The following SV2C variants were observed in gnomAD, a reference collection of about 807,000 sequenced individuals.
The protein encoded by SV2C is solute carrier family 22 member B3.
A neutral mutation model predicts 79.7 loss-of-function variants in SV2C; 49 were observed. The ratio of observed to expected loss-of-function variants is 0.61; its 90% CI spans 0.49 to 0.78. SV2C has a LOEUF of 0.78. Among genes scored for constraint, SV2C ranks in the 30% least tolerant of loss-of-function variants. The probability of loss-of-function intolerance (pLI) is 0.00; values close to 1 mark genes in which losing one functional copy is unlikely to be tolerated. For synonymous variants in SV2C, 334 were observed against 333.2 expected (o/e 1.00, Z -0.03); for missense variants, 833 against 912.9 (o/e 0.91, Z 1.13).
chr5:75,874,118 G>A, the SV2C span, among the ~76,000 whole-genome samples: 1 of 151,822 alleles, frequency 6.6e-6, no homozygotes, highest in African/African-American at 2.4e-5. Context: ...AAAACTTCAG[G>A]TCAATATCCT....
the SV2C span, among the ~76,000 whole-genome samples, chr5:76,030,155 C>G: frequency 6.7e-6 from 1 of 149,604 alleles, no homozygotes; most frequent in Admixed American, 6.7e-5. Flanking sequence ...GGCTTTATTT[C>G]TTAATATATG....
At chr5:75,876,806 G>C in the SV2C span, among the ~76,000 whole-genome samples, 1 of 151,756 alleles carries the variant, frequency 6.6e-6, no homozygotes, top group East Asian at 1.9e-4. Context: ...ACCTAAAAGT[G>C]GTTAATATTA....
At chr5:75,981,332 A>G in the SV2C span, among the ~76,000 whole-genome samples, 1 of 152,180 alleles carries the variant, frequency 6.6e-6, no homozygotes, top group Non-Finnish European at 1.5e-5. Context: ...CCATTAAACT[A>G]CCATTGCCAT....
At chr5:76,169,609 A>G (rs953453805) in intron 2 of SV2C, among the ~76,000 whole-genome samples, 1 of 152,222 alleles carries the variant, frequency 6.6e-6, no homozygotes, top group African/African-American at 2.4e-5. Flanking sequence ...AATTAACAAA[A>G]GCTTGGGTAA....
intron 12 of SV2C, among the ~76,000 whole-genome samples, chr5:76,348,422 T>C (rs1313578356): frequency 6.6e-6 from 1 of 152,252 alleles, no homozygotes; most frequent in Non-Finnish European, 1.5e-5. Context: ...AGTTTTTGTA[T>C]GGACATAAAA....
the SV2C span, among the ~76,000 whole-genome samples, chr5:75,994,199 T>C: frequency 3.3e-5 from 5 of 152,098 alleles, no homozygotes; most frequent in Admixed American, 2.6e-4. Context: ...ATCATGTCTA[T>C]ATGTGATCAA....
the SV2C span, among the ~76,000 whole-genome samples, chr5:76,058,943 G>A: frequency 1.3e-5 from 2 of 152,060 alleles, no homozygotes; most frequent in Non-Finnish European, 2.9e-5. Flanking sequence ...CTGAATGTTT[G>A]ATTCCAGACC....
the SV2C span, among the ~76,000 whole-genome samples, chr5:75,884,330 G>C: frequency 2.6e-5 from 4 of 152,088 alleles, no homozygotes; most frequent in East Asian, 7.7e-4. Flanking sequence ...ATTGCACCGT[G>C]ATTGCTTTTA....
the SV2C span, among the ~76,000 whole-genome samples, chr5:75,912,356 G>T: frequency 9.2e-5 from 14 of 152,200 alleles, no homozygotes; most frequent in African/African-American, 2.9e-4. Context: ...AGGTGGGTGT[G>T]GTGGCAGGCA....
At chr5:76,274,644 C>T (rs574722330) in intron 4 of SV2C, among the ~76,000 whole-genome samples, 30 of 151,488 alleles carry the variant, frequency 2.0e-4, no homozygotes, top group African/African-American at 6.8e-4. Flanking sequence ...ATGTGCCCCC[C>T]TCCACCTACT....
chr5:75,961,495 A>G, the SV2C span, among the ~76,000 whole-genome samples: 5 of 152,002 alleles, frequency 3.3e-5, no homozygotes, highest in Non-Finnish European at 7.4e-5. Context: ...TGTATTTCAG[A>G]AAAATAAAAA....
the SV2C span, among the ~76,000 whole-genome samples, chr5:75,896,912 GTTGT>G: frequency 1.4e-5 from 2 of 145,956 alleles, no homozygotes; most frequent in Non-Finnish European, 3.0e-5. Context: ...TTTTGATGGG[GTTGT>G]TTGTTTTTTT....
the SV2C span, among the ~76,000 whole-genome samples, chr5:75,897,290 AG>A: frequency 1.3e-5 from 2 of 151,888 alleles, no homozygotes; most frequent in African/African-American, 4.9e-5. Context: ...ACATATGGCT[AG>A]CCTGTTTTCC....
At position 76,291,848 on chromosome 5, in the gene SV2C, G is replaced by A. The variant is rs775666861; in HGVS notation, c.1329G>A (p.Leu443=). ...AGCTTACAATTGTTTGGTTCACCCT[G>A]TCCTTTGGGTAAGTGATATTTAAAT... ...TIKLTIVWFT[L]SFGYYGLSVW... Residue 443 remains leucine (L), a synonymous_variant, in exon 8 of 13, where the codon CTG becomes CTA. Coordinates refer to ENST00000502798, the MANE Select transcript of SV2C (RefSeq NM_014979.4). The A allele has an allele frequency of 4.4e-6, 7 of 1,605,628 alleles. No homozygotes were observed. Among genetic ancestry groups the A allele is most frequent in the South Asian group, 2.2e-5 (2 of 89,922 alleles).
At chr5:75,916,458 T>A in the SV2C span, among the ~76,000 whole-genome samples, 2 of 140,798 alleles carry the variant, frequency 1.4e-5, no homozygotes, top group African/African-American at 5.3e-5. Flanking sequence ...TCCTCCTCCT[T>A]CTCTTCTTCC....
In SV2C at chr5:76,132,143, G is replaced by C; in HGVS notation, c.393G>C (p.Glu131Asp). ...TGGAATCAGAAAGGAGAGCTGACGAGGAAGAGTTAGCCCAGCAGTATGAGC... is the reference window on the plus strand; with the variant it reads ...TGGAATCAGAAAGGAGAGCTGACGACGAAGAGTTAGCCCAGCAGTATGAGC... ...RELESERRAD[E>D]EELAQQYELI... Residue 131 changes from glutamate (E) to aspartate (D), a missense_variant, in exon 2 of 13, where the codon GAG becomes GAC. Physicochemically the swap from Glu to Asp is conservative, Grantham distance 45 (BLOSUM62 2). Transcript: ENST00000502798. The C allele has an allele frequency of 6.2e-7, 1 of 1,614,170 alleles. No homozygotes were observed. The highest frequency in any genetic ancestry group is 1.1e-5 in the South Asian group (1 of 91,080).
the SV2C span, among the ~76,000 whole-genome samples, chr5:76,067,111 T>C: frequency 9.9e-5 from 15 of 152,214 alleles, no homozygotes; most frequent in Non-Finnish European, 2.1e-4. Flanking sequence ...CTTAAAATGT[T>C]TTTGTCAAAA....
At chr5:76,005,211 C>T in the SV2C span, among the ~76,000 whole-genome samples, 29 of 152,198 alleles carry the variant, frequency 1.9e-4, no homozygotes, top group African/African-American at 6.7e-4. Context: ...GCCTCATTCA[C>T]AGTTGTTTTG....
chr5:76,315,358 AC>A (rs1281376327), intron 12 of SV2C, among the ~76,000 whole-genome samples: 5 of 152,224 alleles, frequency 3.3e-5, no homozygotes, highest in African/African-American at 1.2e-4. Flanking sequence ...TATCAAAAAA[AC>A]AAATATGACC....
Sources: allele counts gnomAD v4.1 joint callset (sites outside exome capture counted in the v4.1 genomes callset), GRCh38; gene constraint gnomAD v4.1.1; transcripts MANE v1.5; gene names NCBI Gene and HGNC (gene_info 2026-07-23, HGNC 2026-07-21).